Variants in SPAG17 observed in about 807,000 individuals in gnomAD.
The protein encoded by SPAG17 is sperm associated antigen 17.
Under a neutral mutation model 273.6 loss-of-function variants are expected in SPAG17, and 169 were observed. The ratio of observed to expected loss-of-function variants is 0.62; its 90% CI spans 0.55 to 0.70. The LOEUF (loss-of-function observed/expected upper bound fraction) is 0.70. Among genes scored for constraint, SPAG17 ranks in the 30% least tolerant of loss-of-function variants. The pLI, the probability that SPAG17 is intolerant of heterozygous loss-of-function variation, is 0.00. For synonymous variants in SPAG17, 825 were observed against 873.2 expected (o/e 0.94, Z 0.97); for missense variants, 2,557 against 2,627.8 (o/e 0.97, Z 0.59).
intron 4 of SPAG17, among the ~76,000 whole-genome samples, chr1:118,102,930 G>C (rs1282307758): frequency 1.3e-5 from 2 of 152,148 alleles, no homozygotes; most frequent in Non-Finnish European, 2.9e-5. Flanking sequence ...GGGGCCCATG[G>C]CTTCTAGCAC....
In SPAG17 at chr1:118,025,231, C is replaced by A. The variant is rs770505862; in HGVS notation, c.3909+7G>T. ...GGAAGAATAATTTCTCTAACACATTCTTTTACCTGTGTGGATCCATCCAAC... is the reference window on the plus strand; with the variant it reads ...GGAAGAATAATTTCTCTAACACATTATTTTACCTGTGTGGATCCATCCAAC... On this transcript the variant is annotated splice_region_variant and intron_variant, in intron 27 of 48. Transcript: ENST00000336338. The A allele has an allele frequency of 2.7e-5, 43 of 1,612,554 alleles. No homozygotes were observed. The Admixed American group carries it at 6.5e-4, about 24-fold the overall frequency.
intron 30 of SPAG17, among the ~76,000 whole-genome samples, chr1:118,008,644 T>G (rs1242814067): frequency 1.3e-5 from 2 of 152,202 alleles, no homozygotes; most frequent in African/African-American, 4.8e-5. Flanking sequence ...TACACTTTTA[T>G]GTACATATAT....
chr1:117,966,042 C>T (rs2101440850), intron 47 of SPAG17: 1 of 152,336 alleles, frequency 6.6e-6, no homozygotes, highest in Middle Eastern at 3.4e-3. Flanking sequence ...GCACACAATT[C>T]ATGCCACTGG....
chr1:118,120,114 C>T (rs919818623), intron 3 of SPAG17, among the ~76,000 whole-genome samples: 3 of 151,910 alleles, frequency 2.0e-5, no homozygotes, highest in Non-Finnish European at 4.4e-5. Flanking sequence ...TGAAAGGGTC[C>T]GTTCCCCCAC....
At chr1:118,153,004 AC>A (rs986292580) in intron 1 of SPAG17, among the ~76,000 whole-genome samples, 1 of 152,066 alleles carries the variant, frequency 6.6e-6, no homozygotes, top group Non-Finnish European at 1.5e-5. Flanking sequence ...AACCACCTTT[AC>A]CCCCTTATCC....
chr1:118,108,049 G>A (rs1400377755), intron 4 of SPAG17, among the ~76,000 whole-genome samples: 1 of 152,110 alleles, frequency 6.6e-6, no homozygotes, highest in East Asian at 1.9e-4. Flanking sequence ...CCTGGGTTCC[G>A]GATCCAGGTC....
In SPAG17 at chr1:118,031,809, T is replaced by C. The variant is rs139045272; in HGVS notation, c.3492A>G (p.Thr1164=). 662 of 1,613,816 alleles carry C rather than the reference T, an allele frequency of 4.1e-4. 6 individuals carry two copies. The African/African-American group carries it at 7.4e-3, about 18-fold the overall frequency. ...ILNIPSALTP[T]VVPVIVTVPQ... ...GAACGGTCACTATAACAGGAACCAC[T>C]GTTGGAGTGAGTGCTGAAGGGATAT... Residue 1164 remains threonine (T), a synonymous_variant, in exon 25 of 49, where the codon ACA becomes ACG. Coordinates refer to ENST00000336338, the MANE Select transcript of SPAG17 (RefSeq NM_206996.4).
At chr1:118,042,954 G>A (rs1016992382) in intron 20 of SPAG17, among the ~76,000 whole-genome samples, 4 of 151,980 alleles carry the variant, frequency 2.6e-5, no homozygotes, top group Admixed American at 6.6e-5. Context: ...CCCTTCCACC[G>A]TTAACATTAT....
In SPAG17 at chr1:118,039,373, C is replaced by T; in HGVS notation, c.3238G>A (p.Glu1080Lys). The change falls in exon 23 of 49, where the codon GAA becomes AAA. Residue 1080 changes from glutamate (E) to lysine (K), a missense_variant. Physicochemically the swap from Glu to Lys is moderately conservative, Grantham distance 56. Transcript: ENST00000336338. Reference sequence around the variant, plus strand: ...CCTTTCTCTTCCTTTTTCACAATTTCCTTAGGGTCATTTAAATGAATCATA... The same window carrying T: ...CCTTTCTCTTCCTTTTTCACAATTTTCTTAGGGTCATTTAAATGAATCATA... ...NFMIHLNDPK[E>K]IVKKEEKGDY... is the part of the protein sequence containing the mutation. 6.2e-7 allele frequency: 1 copy of T among 1,613,224 alleles called. No homozygotes were observed. Among genetic ancestry groups the T allele is most frequent in the Non-Finnish European group, 8.5e-7 (1 of 1,179,530 alleles).
At chr1:117,966,458 A>G in intron 47 of SPAG17, 151 bp downstream of exon 47, 1 of 741,854 alleles carries the variant, frequency 1.3e-6, no homozygotes. Flanking sequence ...GCTTTCAAAG[A>G]TGAATGAAGA....
chr1:117,975,494 C>T (rs1258314482), intron 43 of SPAG17, among the ~76,000 whole-genome samples: 2 of 152,048 alleles, frequency 1.3e-5, no homozygotes, highest in African/African-American at 2.4e-5. Context: ...AACAGAGGAT[C>T]AGAGGATTAA....
At chr1:118,136,588 A>G (rs1487991409) in intron 3 of SPAG17, among the ~76,000 whole-genome samples, 2 of 152,064 alleles carry the variant, frequency 1.3e-5, no homozygotes, top group East Asian at 1.9e-4. Context: ...CTTAAATCAC[A>G]TCACACGGCA....
At chr1:117,990,305 G>A (rs1052765049) in intron 38 of SPAG17, among the ~76,000 whole-genome samples, 4 of 152,136 alleles carry the variant, frequency 2.6e-5, no homozygotes, top group Middle Eastern at 3.2e-3. Flanking sequence ...TTGCCATATC[G>A]CCAACAAAAC....
At chr1:118,157,322 C>T (rs1659703076) in intron 1 of SPAG17, among the ~76,000 whole-genome samples, 1 of 152,146 alleles carries the variant, frequency 6.6e-6, no homozygotes, top group Admixed American at 6.6e-5. Flanking sequence ...CCACCCCCAT[C>T]CCAAAGACAC....
At chr1:118,117,619 G>A (rs1482223091) in intron 3 of SPAG17, among the ~76,000 whole-genome samples, 1 of 152,192 alleles carries the variant, frequency 6.6e-6, no homozygotes, top group Non-Finnish European at 1.5e-5. Flanking sequence ...ATGCTCTCAT[G>A]ACATACAGAC....
At chr1:118,167,181 C>T (rs1007555098) in intron 1 of SPAG17, among the ~76,000 whole-genome samples, 2 of 152,114 alleles carry the variant, frequency 1.3e-5, no homozygotes, top group Admixed American at 6.6e-5. Context: ...AATTTCTTTA[C>T]TAGAAACATG....
In SPAG17 at chr1:118,155,230, T is replaced by C. The variant is rs114777253; in HGVS notation, c.88-3861A>G. Among the ~76,000 whole-genome samples the C allele has an allele frequency of 6.3e-3, 965 of 152,314 alleles. 9 individuals are homozygous for C. Among genetic ancestry groups the C allele is most frequent in the African/African-American group, 0.022 (929 of 41,570 alleles). On this transcript the variant is annotated intron_variant, in intron 1 of 48. Coordinates refer to ENST00000336338, the MANE Select transcript of SPAG17 (RefSeq NM_206996.4). Reference sequence around the variant, plus strand: ...GGGCTTCTTAACCCAGACACTTACATAGTAGTCTCCTAAGGCAGGAAAGTA... The same window carrying C: ...GGGCTTCTTAACCCAGACACTTACACAGTAGTCTCCTAAGGCAGGAAAGTA...
At chr1:118,151,412 T>C in intron 1 of SPAG17, 43 bp from the exon 2 acceptor site, 1 of 1,540,004 alleles carries the variant, frequency 6.5e-7, no homozygotes, top group Non-Finnish European at 8.8e-7. Context: ...TATTCCTGAA[T>C]AGGTCATTTC....
chr1:118,168,461 C>T (rs1389255738), intron 1 of SPAG17, among the ~76,000 whole-genome samples: 1 of 152,114 alleles, frequency 6.6e-6, no homozygotes, highest in Non-Finnish European at 1.5e-5. Flanking sequence ...AATGAGTTGG[C>T]TGATTCTGGA....
Sources: gnomAD v4.1 joint callset for allele counts (sites outside exome capture counted in the v4.1 genomes callset) on GRCh38, gnomAD v4.1.1 for gene constraint, MANE v1.5 for transcripts, NCBI Gene and HGNC (gene_info 2026-07-23, HGNC 2026-07-21) for gene names.